The following ERC2 variants were observed in gnomAD, a reference collection of about 807,000 sequenced individuals.
The protein encoded by ERC2 is ELKS/RAB6-interacting/CAST family member 2, also known as ERC protein 2.
A neutral mutation model predicts 114.8 loss-of-function variants in ERC2; 42 were observed. That is an observed-to-expected ratio of 0.37 (90% CI 0.29 to 0.47). The LOEUF is 0.47. Ranked by LOEUF, ERC2 falls within the 20% of genes least tolerant of loss-of-function variation. The pLI is 0.99. For missense variants in ERC2, 939 were observed against 1,150.7 expected (o/e 0.82, Z 2.66); for synonymous variants, 454 against 425.5 (o/e 1.07, Z -0.82).
At chr3:56,152,955 C>A (rs1290766279) in intron 4 of ERC2, among the ~76,000 whole-genome samples, 3 of 152,150 alleles carry the variant, frequency 2.0e-5, no homozygotes, top group Non-Finnish European at 4.4e-5. Context: ...AGGCCCACCG[C>A]ACTAATGTCT....
chr3:55,854,992 A>G (rs1006537834), intron 14 of ERC2, among the ~76,000 whole-genome samples: 4 of 152,168 alleles, frequency 2.6e-5, no homozygotes, highest in African/African-American at 9.7e-5. Context: ...CAAAAGCACG[A>G]TGCTCAAAGT....
chr3:56,460,999 CT>C (rs11336881), intron 1 of ERC2, among the ~76,000 whole-genome samples: 19,478 of 124,516 alleles, frequency 0.16, 1,852 homozygotes, highest in Non-Finnish European at 0.23. Flanking sequence ...GGCATAAAGG[CT>C]TTTTTTTTTT....
intron 17 of ERC2, among the ~76,000 whole-genome samples, chr3:55,680,434 G>T (rs1411269344): frequency 6.6e-6 from 1 of 152,140 alleles, no homozygotes; most frequent in Non-Finnish European, 1.5e-5. Flanking sequence ...ATGCCTCTTG[G>T]GGGATCCATG....
Position 56,097,343 on chromosome 3 carries a change from C to T in ERC2, c.1474-16359G>A, listed in dbSNP as rs140992209. The stretch of plus-strand genomic sequence containing the variant: ...AGAGTCAACCTACATATACTTATTG[C>T]TCACTTTTTTTTTTCTTAAAGGCAG... On this transcript the variant is annotated intron_variant, in intron 6 of 17. Transcript: ENST00000288221. 2.0e-3 allele frequency among the ~76,000 whole-genome samples: 311 copies of T among 152,158 alleles called. 3 individuals are homozygous for T. Among genetic ancestry groups the T allele is most frequent in the Middle Eastern group, 6.8e-3 (2 of 294 alleles).
chr3:55,846,686 T>C (rs796618827), intron 14 of ERC2, among the ~76,000 whole-genome samples: 1 of 122,154 alleles, frequency 8.2e-6, no homozygotes, highest in African/African-American at 3.7e-5. Context: ...TCTCTCTCTC[T>C]CTCTCTTTCT....
intron 2 of ERC2, among the ~76,000 whole-genome samples, chr3:56,312,965 G>A (rs1390490130): frequency 1.6e-5 from 2 of 125,144 alleles, no homozygotes; most frequent in Non-Finnish European, 3.2e-5. Context: ...TCCACACAAT[G>A]CCTATGGTCC....
chr3:56,127,905 T>C (rs2079972652), intron 6 of ERC2, among the ~76,000 whole-genome samples: 1 of 152,028 alleles, frequency 6.6e-6, no homozygotes, highest in Non-Finnish European at 1.5e-5. Context: ...CTGGGAAAAC[T>C]GGATATCTAC....
At chr3:56,398,953 T>TG (rs2060419132) in intron 2 of ERC2, among the ~76,000 whole-genome samples, 2 of 152,282 alleles carry the variant, frequency 1.3e-5, no homozygotes, top group South Asian at 4.1e-4. Context: ...ATCTGCCAAC[T>TG]TTACAGCAGA....
intron 14 of ERC2, among the ~76,000 whole-genome samples, chr3:55,878,587 G>A (rs2062973406): frequency 1.3e-5 from 2 of 152,206 alleles, no homozygotes; most frequent in Admixed American, 1.3e-4. Flanking sequence ...GAACTATAGT[G>A]TCAAACAGAC....
rs368672611 is a variant in ERC2 at position 56,052,058 on chromosome 3, C to T, written c.1641+28759G>A. 3.0e-4 allele frequency among the ~76,000 whole-genome samples: 46 copies of T among 152,288 alleles called. No homozygotes were observed. In the East Asian group the frequency reaches 4.8e-3, roughly 16 times the overall value. On this transcript the variant is annotated intron_variant, in intron 7 of 17. Coordinates refer to ENST00000288221, the MANE Select transcript of ERC2 (RefSeq NM_015576.3). Reference sequence around the variant, plus strand: ...TAGGCAGTGCATGCACTGTCCACTTCGCTTTAAAAGAAACTACAAAAAACA... The same window carrying T: ...TAGGCAGTGCATGCACTGTCCACTTTGCTTTAAAAGAAACTACAAAAAACA...
rs560282998 is a variant in ERC2 at position 55,700,512 on chromosome 3, G to A, written c.2713-1000C>T. On this transcript the variant is annotated intron_variant, in intron 15 of 17. Transcript: ENST00000288221. ...GGTTGCCGCTAGGAGCGAATGATAC[G>A]ATGGACTTCAAGTGTCAGTCCAGTA... is the stretch of plus-strand genomic sequence containing the variant. Among the ~76,000 whole-genome samples the A allele has an allele frequency of 7.9e-5, 12 of 152,344 alleles. No homozygotes were observed. The South Asian group carries it at 1.7e-3, about 21-fold the overall frequency.
chr3:56,183,666 G>C (rs1316377165), intron 3 of ERC2, among the ~76,000 whole-genome samples: 1 of 152,104 alleles, frequency 6.6e-6, no homozygotes, highest in African/African-American at 2.4e-5. Context: ...TCCACTATTG[G>C]CCAGGTAGGA....
intron 13 of ERC2, among the ~76,000 whole-genome samples, chr3:55,934,003 C>G (rs568795510): frequency 6.6e-6 from 1 of 152,058 alleles, no homozygotes; most frequent in African/African-American, 2.4e-5. Context: ...CCATCTAACT[C>G]TAGCAAGCAA....
At chr3:55,947,569 G>C (rs1252076011) in intron 13 of ERC2, among the ~76,000 whole-genome samples, 2 of 152,142 alleles carry the variant, frequency 1.3e-5, no homozygotes, top group Non-Finnish European at 2.9e-5. Flanking sequence ...TCATTCTCTT[G>C]TGCTTCAGCA....
At chr3:56,461,410 G>T (rs962217380) in intron 1 of ERC2, among the ~76,000 whole-genome samples, 1 of 152,146 alleles carries the variant, frequency 6.6e-6, no homozygotes, top group Non-Finnish European at 1.5e-5. Flanking sequence ...TGACTGAAAG[G>T]CCCAGGCAGA....
At position 55,829,143 on chromosome 3, in the gene ERC2, G is replaced by A. The variant is rs534845132; in HGVS notation, c.2564+59246C>T. Reference sequence around the variant, plus strand: ...AAGACCCTCTCTCAAAAAAAATTTAGAATCCTTGACATATAAAAAATAGGA... The same window carrying A: ...AAGACCCTCTCTCAAAAAAAATTTAAAATCCTTGACATATAAAAAATAGGA... On this transcript the variant is annotated intron_variant, in intron 14 of 17. Transcript: ENST00000288221. 3.9e-5 allele frequency among the ~76,000 whole-genome samples: 6 copies of A among 152,128 alleles called. No individual in the cohort carries two copies. The East Asian group carries it at 1.2e-3, about 29-fold the overall frequency.
chr3:55,795,131 TA>T (rs1055921141), intron 14 of ERC2, among the ~76,000 whole-genome samples: 22 of 152,262 alleles, frequency 1.4e-4, no homozygotes, highest in Admixed American at 1.4e-3. Context: ...AAAAGTACAT[TA>T]ACGTTCTTTC....
chr3:56,326,743 G>T (rs566951928), intron 2 of ERC2, among the ~76,000 whole-genome samples: 13 of 152,156 alleles, frequency 8.5e-5, no homozygotes, highest in Non-Finnish European at 1.5e-5. Context: ...TTGGTGGGCT[G>T]CTAGTGACCA....
At chr3:55,887,593 CACAA>C (rs2063407931) in intron 14 of ERC2, among the ~76,000 whole-genome samples, 1 of 152,186 alleles carries the variant, frequency 6.6e-6, no homozygotes, top group Admixed American at 6.5e-5. Flanking sequence ...ACTAGTTCTT[CACAA>C]ACAGACCTAT....
Sources: allele counts gnomAD v4.1 joint callset (sites outside exome capture counted in the v4.1 genomes callset), GRCh38; gene constraint gnomAD v4.1.1; transcripts MANE v1.5; gene names NCBI Gene and HGNC (gene_info 2026-07-23, HGNC 2026-07-21).